TMEM120B: variants seen among roughly 807,000 people sequenced by gnomAD.
TMEM120B encodes the protein transmembrane protein 120B.
Under a neutral mutation model 55.5 loss-of-function variants are expected in TMEM120B, and 31 were observed. That is an observed-to-expected ratio of 0.56 (90% CI 0.42 to 0.75). TMEM120B has a LOEUF of 0.75. TMEM120B is among the 30% of genes least tolerant of loss of function. The probability of loss-of-function intolerance (pLI) is 0.00; values close to 1 mark genes in which losing one functional copy is unlikely to be tolerated. For missense variants in TMEM120B, 399 were observed against 425.5 expected, an observed-to-expected ratio of 0.94 and a Z score of 0.55; for synonymous variants, 203 against 176.3, an observed-to-expected ratio of 1.15 and a Z score of -1.20.
chr12:121,775,605 C>T lies in TMEM120B; in HGVS notation c.907-4C>T. 6.2e-7 allele frequency: 1 copy of T among 1,612,980 alleles called. No homozygotes were observed. Among genetic ancestry groups the T allele is most frequent in the Non-Finnish European group, 8.5e-7 (1 of 1,179,368 alleles). On this transcript the variant is annotated splice_polypyrimidine_tract_variant and splice_region_variant and intron_variant, in intron 11 of 11. Transcript: ENST00000449592. The surrounding 1 kb of genome is among the most constrained non-coding windows in gnomAD (Gnocchi z 4.3). ...GCCTCGCCCTCCTCTCTGGACTCCC[C>T]CAGGTGTTCGTACTGGCGTTCACCT...
At chr12:121,731,939 C>G (rs1019511341) in intron 1 of TMEM120B, among the ~76,000 whole-genome samples, 1 of 152,094 alleles carries the variant, frequency 6.6e-6, no homozygotes, top group Non-Finnish European at 1.5e-5. Context: ...GAGTTTGAGA[C>G]CAGCCTGGCT....
At position 121,712,967 on chromosome 12, in the gene TMEM120B, AG is replaced by A; in HGVS notation, c.69+6del. On this transcript the variant is annotated splice_donor_region_variant and intron_variant, in intron 1 of 11. Coordinates refer to ENST00000449592, the MANE Select transcript of TMEM120B (RefSeq NM_001080825.2). ...AGGGAGAATTTCAAGAACTGCAGGT[AG>A]GGCCAGGCCACCTGGTCCCGCAACT... 6.5e-7 allele frequency: 1 copy of A among 1,538,684 alleles called. No individual in the cohort carries two copies. The highest frequency in any genetic ancestry group is 1.2e-5 in the South Asian group (1 of 81,100).
In TMEM120B at chr12:121,766,595, C is replaced by A. The variant is rs1261679596; in HGVS notation, c.552-4312C>A. 2.0e-5 allele frequency among the ~76,000 whole-genome samples: 3 copies of A among 152,156 alleles called. No individual in the cohort carries two copies. In the East Asian group the frequency reaches 5.8e-4, roughly 29 times the overall value. On this transcript the variant is annotated intron_variant, in intron 6 of 11. Coordinates refer to ENST00000449592, the MANE Select transcript of TMEM120B (RefSeq NM_001080825.2). The stretch of plus-strand genomic sequence containing the variant: ...GGCCAGGCTTGGGTGACCTACTGAT[C>A]TCTGAGAGCCAGTCACTGTTGCCAG...
At position 121,779,930 on chromosome 12, in the gene TMEM120B, AC is replaced by A. The variant is rs1373757996; in HGVS notation, c.*4211del. Reference sequence around the variant, plus strand: ...GGGCAGGGAGGGGCTGAATCCTGAGACCCGGGGTTGGTTCCCCCAGGTGTCT... The same window carrying A: ...GGGCAGGGAGGGGCTGAATCCTGAGACCGGGGTTGGTTCCCCCAGGTGTCT... On this transcript the variant is annotated 3_prime_UTR_variant, in exon 12 of 12. Transcript: ENST00000449592. 5.0e-6 allele frequency: 2 copies of A among 402,068 alleles called. No homozygotes were observed. The highest frequency in any genetic ancestry group is 5.0e-5 in the African/African-American group (2 of 39,706). The allele number at this position is 402,068 out of a possible 1,614,324, so 24.9% of individuals were successfully genotyped here.
At chr12:121,770,857 C>T (rs1219669463) in intron 6 of TMEM120B, 50 bp from the exon 7 acceptor site, 1 of 1,567,990 alleles carries the variant, frequency 6.4e-7, no homozygotes, top group African/African-American at 1.4e-5. Context: ...AGACACATGC[C>T]TGCGTTGCTC....
At chr12:121,765,786 A>T (rs1873827493) in intron 6 of TMEM120B, among the ~76,000 whole-genome samples, 1 of 152,166 alleles carries the variant, frequency 6.6e-6, no homozygotes, top group Non-Finnish European at 1.5e-5. Flanking sequence ...GCCCTCCTCC[A>T]GCTCCTCCTC....
intron 6 of TMEM120B, among the ~76,000 whole-genome samples, chr12:121,768,767 AG>A (rs1381020449): frequency 5.3e-5 from 8 of 152,128 alleles, no homozygotes; most frequent in Non-Finnish European, 1.0e-4. Flanking sequence ...TACAGGGTTG[AG>A]GGGTCCAACT....
chr12:121,753,040 T>G (rs1477635552), intron 5 of TMEM120B, among the ~76,000 whole-genome samples: 5 of 152,042 alleles, frequency 3.3e-5, no homozygotes, highest in Non-Finnish European at 2.9e-5. Context: ...TCCAGGAGTT[T>G]GAGGCTGCAG....
At chr12:121,742,585 G>GTTTTTA (rs1231049388) in intron 1 of TMEM120B, among the ~76,000 whole-genome samples, 7 of 151,950 alleles carry the variant, frequency 4.6e-5, no homozygotes, top group Admixed American at 1.3e-4. Context: ...TATTGTTTTT[G>GTTTTTA]TTTTTATTTT....
intron 5 of TMEM120B, among the ~76,000 whole-genome samples, chr12:121,757,765 C>T (rs2137257498): frequency 6.6e-6 from 1 of 152,290 alleles, no homozygotes; most frequent in Non-Finnish European, 1.5e-5. Flanking sequence ...ATCCACCCAC[C>T]TCGGCCTCCC....
Position 121,775,903 on chromosome 12 carries a change from T to C in TMEM120B, c.*181T>C. ...CCTGTCCGCACAGTGTCCGCCCACC[T>C]ATTTATGACATATTTAATGCTGGGT... On this transcript the variant is annotated 3_prime_UTR_variant, in exon 12 of 12. Coordinates refer to ENST00000449592, the MANE Select transcript of TMEM120B (RefSeq NM_001080825.2). This position sits in a 1 kb window ranked among gnomAD's most constrained non-coding sequence, Gnocchi z 4.3. 1 of 660,902 alleles carries C rather than the reference T, an allele frequency of 1.5e-6. No individual in the cohort carries two copies. Among genetic ancestry groups the C allele is most frequent in the Non-Finnish European group, 2.6e-6 (1 of 377,722 alleles). The allele number at this position is 660,902 out of a possible 1,614,324, so 40.9% of individuals were successfully genotyped here.
At chr12:121,756,786 G>A (rs1470699239) in intron 5 of TMEM120B, among the ~76,000 whole-genome samples, 1 of 152,190 alleles carries the variant, frequency 6.6e-6, no homozygotes, top group Admixed American at 6.5e-5. Flanking sequence ...TTTGCTCACA[G>A]AGTTCGTCTC....
chr12:121,738,441 C>G (rs1001757838), intron 1 of TMEM120B, among the ~76,000 whole-genome samples: 1 of 152,134 alleles, frequency 6.6e-6, no homozygotes, highest in Non-Finnish European at 1.5e-5. Flanking sequence ...CCAAAGGCCA[C>G]CAGGAGGGGT....
intron 1 of TMEM120B, among the ~76,000 whole-genome samples, chr12:121,730,996 A>T (rs1894992797): frequency 6.6e-6 from 1 of 152,024 alleles, no homozygotes; most frequent in African/African-American, 2.4e-5. Context: ...GTATGATTCC[A>T]CTTACAGGCG....
chr12:121,770,861 G>A (rs79944789), intron 6 of TMEM120B, 46 bp from the exon 7 acceptor site: 79 of 1,583,322 alleles, frequency 5.0e-5, no homozygotes, highest in Middle Eastern at 5.0e-4. Context: ...ACATGCCTGC[G>A]TTGCTCTCCC....
chr12:121,714,315 G>A (rs773844980), intron 1 of TMEM120B, among the ~76,000 whole-genome samples: 6 of 152,252 alleles, frequency 3.9e-5, no homozygotes, highest in Non-Finnish European at 8.8e-5. Flanking sequence ...GGAGTGCAGT[G>A]GCGTGATCTC....
chr12:121,769,795 A>G lies in TMEM120B; in HGVS notation c.552-1112A>G, dbSNP rs545577890. ...AGCTGCTTGGAACCCAGGGTCACAG[A>G]TAGACTGGTGAACAATAGAGACAAG... On this transcript the variant is annotated intron_variant, in intron 6 of 11. Transcript: ENST00000449592. Among the ~76,000 whole-genome samples the G allele has an allele frequency of 1.3e-3, 192 of 152,190 alleles. 1 individual carries two copies. Among genetic ancestry groups the G allele is most frequent in the Non-Finnish European group, 1.7e-3 (113 of 68,010 alleles).
chr12:121,755,827 A>G (rs1256106761), intron 5 of TMEM120B, among the ~76,000 whole-genome samples: 3 of 152,116 alleles, frequency 2.0e-5, no homozygotes, highest in Admixed American at 6.6e-5. Flanking sequence ...TTTATCCACC[A>G]TTTGCTATCA....
chr12:121,752,839 A>G (rs563190775), intron 5 of TMEM120B, among the ~76,000 whole-genome samples: 1 of 151,696 alleles, frequency 6.6e-6, no homozygotes, highest in South Asian at 2.1e-4. Context: ...GGTGGCTCAC[A>G]CCTGTAATCC....
Sources: allele counts gnomAD v4.1 joint callset (sites outside exome capture counted in the v4.1 genomes callset), GRCh38; gene constraint gnomAD v4.1.1; non-coding constraint Gnocchi (gnomAD v3.1); transcripts MANE v1.5; gene names NCBI Gene and HGNC (gene_info 2026-07-23, HGNC 2026-07-21).